Variants in CSMD1 observed in about 807,000 individuals in gnomAD.
CSMD1 encodes CUB and Sushi multiple domains 1, also known as CUB and sushi domain-containing protein 1.
CSMD1 carries 213 observed loss-of-function variants against 417.5 expected under a neutral mutation model. The ratio of observed to expected loss-of-function variants is 0.51; its 90% CI spans 0.46 to 0.57. CSMD1 has a LOEUF of 0.57. CSMD1 is among the 20% of genes least tolerant of loss of function. The probability of loss-of-function intolerance (pLI) is 0.00; values close to 1 mark genes in which losing one functional copy is unlikely to be tolerated. For missense variants in CSMD1, 6,923 were observed against 4,529.7 expected, an observed-to-expected ratio of 1.53 and a Z score of -15.17; for synonymous variants, 2,862 against 1,736.8, an observed-to-expected ratio of 1.65 and a Z score of -16.11.
intron 50 of CSMD1, among the ~76,000 whole-genome samples, chr8:3,041,734 T>G (rs543509330): frequency 2.6e-5 from 4 of 152,332 alleles, no homozygotes. Flanking sequence ...CCACTGCTAT[T>G]TTATAAACCG....
intron 2 of CSMD1, among the ~76,000 whole-genome samples, chr8:4,587,598 GC>G (rs1799771941): frequency 6.6e-6 from 1 of 152,024 alleles, no homozygotes; most frequent in African/African-American, 2.4e-5. Flanking sequence ...GAAGAAATAA[GC>G]TTTACTTACA....
intron 1 of CSMD1, among the ~76,000 whole-genome samples, chr8:4,670,446 T>G (rs2130945394): frequency 6.6e-6 from 1 of 152,312 alleles, no homozygotes; most frequent in South Asian, 2.1e-4. Flanking sequence ...CAAACATGTG[T>G]GTCCTGTGAG....
intron 10 of CSMD1, among the ~76,000 whole-genome samples, chr8:3,571,174 G>T (rs13271642): frequency 6.6e-6 from 1 of 151,804 alleles, no homozygotes; most frequent in Non-Finnish European, 1.5e-5. Context: ...GAAAACCAAC[G>T]CCATCAACAA....
intron 2 of CSMD1, among the ~76,000 whole-genome samples, chr8:4,451,989 G>GAT (rs900990397): frequency 1.3e-4 from 19 of 149,280 alleles, no homozygotes; most frequent in East Asian, 1.2e-3. Flanking sequence ...CATATAGTTT[G>GAT]ATATATATAT....
intron 2 of CSMD1, among the ~76,000 whole-genome samples, chr8:4,453,451 C>G (rs1799272667): frequency 1.3e-5 from 2 of 152,162 alleles, no homozygotes; most frequent in African/African-American, 4.8e-5. Flanking sequence ...GTTGGTGCAG[C>G]AGCAAGAACG....
At chr8:2,998,596 G>C (rs138875003) in intron 53 of CSMD1, among the ~76,000 whole-genome samples, 1 of 152,316 alleles carries the variant, frequency 6.6e-6, no homozygotes, top group East Asian at 1.9e-4. Context: ...TTTTGAGACA[G>C]TATGGGATTT....
chr8:4,610,761 C>A (rs1801125136), intron 2 of CSMD1, among the ~76,000 whole-genome samples: 1 of 152,142 alleles, frequency 6.6e-6, no homozygotes, highest in South Asian at 2.1e-4. Flanking sequence ...TTATATGTTA[C>A]TTAATCTAAT....
Position 3,651,573 on chromosome 8 carries a change from A to G in CSMD1, c.1010-34776T>C, listed in dbSNP as rs553112561. On this transcript the variant is annotated intron_variant, in intron 7 of 69. Coordinates refer to ENST00000635120, the MANE Select transcript of CSMD1 (RefSeq NM_033225.6). ...TAATGAGGTCTTGGCTGGCCACCAC[A>G]TCTAGAACACTAGAATAGCCCCTGC... is the stretch of plus-strand genomic sequence containing the variant. 1.8e-4 allele frequency among the ~76,000 whole-genome samples: 27 copies of G among 152,128 alleles called. No homozygotes were observed. The East Asian group carries it at 2.7e-3, about 15-fold the overall frequency.
chr8:4,037,078 C>T (rs1759107183), intron 3 of CSMD1, among the ~76,000 whole-genome samples: 1 of 152,050 alleles, frequency 6.6e-6, no homozygotes, highest in South Asian at 2.1e-4. Context: ...TGGCCACCCA[C>T]AACCCAAAAC....
intron 2 of CSMD1, among the ~76,000 whole-genome samples, chr8:4,614,889 C>G (rs1801389151): frequency 6.6e-6 from 1 of 151,966 alleles, no homozygotes. Context: ...AATATTTTCT[C>G]TAGAGTAAAA....
At chr8:4,270,944 G>C (rs939494402) in intron 3 of CSMD1, among the ~76,000 whole-genome samples, 9 of 152,182 alleles carry the variant, frequency 5.9e-5, no homozygotes, top group East Asian at 3.9e-4. Flanking sequence ...CCTAGAGAGA[G>C]AGGGAGCACT....
intron 1 of CSMD1, among the ~76,000 whole-genome samples, chr8:4,915,356 T>C (rs1297576381): frequency 1.3e-5 from 2 of 152,180 alleles, no homozygotes; most frequent in African/African-American, 4.8e-5. Flanking sequence ...CTAAAGTAGA[T>C]TACATATAGT....
At chr8:3,761,464 G>A (rs1267201160) in intron 5 of CSMD1, among the ~76,000 whole-genome samples, 1 of 148,630 alleles carries the variant, frequency 6.7e-6, no homozygotes, top group African/African-American at 2.5e-5. Flanking sequence ...TACCACAGAA[G>A]AGTTTTCATT....
chr8:4,453,143 G>C (rs1381754217), intron 2 of CSMD1, among the ~76,000 whole-genome samples: 2 of 151,790 alleles, frequency 1.3e-5, no homozygotes, highest in Non-Finnish European at 2.9e-5. Context: ...TCACCAATTT[G>C]AGGCAAATAT....
chr8:4,574,173 A>T (rs1206394385), intron 2 of CSMD1, among the ~76,000 whole-genome samples: 1 of 150,818 alleles, frequency 6.6e-6, no homozygotes, highest in Non-Finnish European at 1.5e-5. Context: ...TGGGGTCCAA[A>T]AAAAACCTCT....
rs7818755 is a variant in CSMD1, at chr8:3,512,326, C to T, written c.1345-18600G>A. Reference sequence around the variant, plus strand: ...GTTTAGCAACTTATTTGTTCTATACCCACAGCCTCAGCCTCTCCCCTAATA... The same window carrying T: ...GTTTAGCAACTTATTTGTTCTATACTCACAGCCTCAGCCTCTCCCCTAATA... On this transcript the variant is annotated intron_variant, in intron 10 of 69. Transcript: ENST00000635120. Among the ~76,000 whole-genome samples the T allele has an allele frequency of 2.6e-5, 4 of 152,120 alleles. No individual in the cohort carries two copies. In the South Asian group the frequency reaches 8.3e-4, roughly 32 times the overall value.
At chr8:3,432,825 A>C (rs1585156894) in intron 12 of CSMD1, among the ~76,000 whole-genome samples, 2 of 152,190 alleles carry the variant, frequency 1.3e-5, no homozygotes, top group East Asian at 3.9e-4. Context: ...ACATGGGCTT[A>C]TTTTTATTCT....
chr8:3,930,659 G>A (rs572254791), intron 5 of CSMD1, among the ~76,000 whole-genome samples: 9 of 150,218 alleles, frequency 6.0e-5, no homozygotes, highest in Non-Finnish European at 1.3e-4. Context: ...TTTGTTCGGT[G>A]TACTGTCATG....
intron 3 of CSMD1, among the ~76,000 whole-genome samples, chr8:4,068,147 C>G (rs1040468633): frequency 6.6e-5 from 10 of 152,042 alleles, no homozygotes; most frequent in Non-Finnish European, 8.8e-5. Context: ...ACAGAAGGGT[C>G]TATAGAGAGT....
Sources: allele counts gnomAD v4.1 joint callset (sites outside exome capture counted in the v4.1 genomes callset), GRCh38; gene constraint gnomAD v4.1.1; transcripts MANE v1.5; gene names NCBI Gene and HGNC (gene_info 2026-07-23, HGNC 2026-07-21).